ACTC1: variants seen among roughly 807,000 people sequenced by gnomAD.
ACTC1 encodes actin alpha cardiac muscle 1, also known as actin, alpha cardiac muscle 1.
Under a neutral mutation model 31.6 loss-of-function variants are expected in ACTC1, and 10 were observed. That is an observed-to-expected ratio of 0.32 (90% CI 0.19 to 0.54). The LOEUF is 0.54. ACTC1 is among the 20% of genes least tolerant of loss of function. ACTC1 has a pLI of 0.95. For missense variants in ACTC1, 129 were observed against 506.4 expected (o/e 0.25, Z 7.15); for synonymous variants, 196 against 185.0 (o/e 1.06, Z -0.48).
In ACTC1 at chr15:34,793,300, G is replaced by A. The variant is rs764630691; in HGVS notation, c.399C>T (p.Ala133=). 43 of 1,614,038 alleles carry A rather than the reference G, an allele frequency of 2.7e-5. No individual in the cohort carries two copies. In the Middle Eastern group the frequency reaches 8.2e-4, roughly 31 times the overall value. ...GCACTGCCTGGATGGCCACGTACAT[G>A]GCAGGGACATTGAAGGTCTCAAACA... ...QIMFETFNVP[A]MYVAIQAVLS... Residue 133 remains alanine, a synonymous_variant, in exon 3 of 7, where the codon GCC becomes GCT. Coordinates refer to ENST00000290378, the MANE Select transcript of ACTC1 (RefSeq NM_005159.5). The surrounding 1 kb of genome is among the most constrained non-coding windows in gnomAD (Gnocchi z 4.8).
At position 34,795,497 on chromosome 15, in the gene ACTC1, C is replaced by G. The variant is rs1180708651; in HGVS notation, c.-23+9G>C. ...AGGAGTGAACGCGGAGGGCCGGGCG[C>G]TGACTCACCGTCGGCGGGGCGGGTC... On this transcript the variant is annotated intron_variant, in intron 1 of 6. Coordinates refer to ENST00000290378, the MANE Select transcript of ACTC1 (RefSeq NM_005159.5). The G allele has an allele frequency of 6.6e-6, 1 of 152,580 alleles. No homozygotes were observed. The highest frequency in any genetic ancestry group is 2.4e-5 in the African/African-American group (1 of 41,398). The allele number at this position is 152,580 out of a possible 1,614,324, so 9.5% of individuals were successfully genotyped here. A position where few individuals can be genotyped will look rare whatever the true frequency, so the allele number is the denominator to read the frequency against.
rs1891700690 is a variant in ACTC1, at chr15:34,791,310, C to CAA, written c.809-16_809-15insTT. The CAA allele has an allele frequency of 2.8e-6, 1 of 354,298 alleles. No individual in the cohort carries two copies. Among genetic ancestry groups the CAA allele is most frequent in the Admixed American group, 9.6e-5 (1 of 10,458 alleles). The allele number at this position is 354,298 out of a possible 1,614,324, so 21.9% of individuals were successfully genotyped here. ...AGATTCCATACCTGGGAACGAGTCA[C>CAA]ACACACACACACACACACACACACA... is the stretch of plus-strand genomic sequence containing the variant. On this transcript the variant is annotated splice_polypyrimidine_tract_variant and intron_variant, in intron 5 of 6. Transcript: ENST00000290378.
At chr15:34,794,202 G>A (rs1417057380) in intron 2 of ACTC1, among the ~76,000 whole-genome samples, 1 of 152,202 alleles carries the variant, frequency 6.6e-6, no homozygotes, top group Non-Finnish European at 1.5e-5. Context: ...GTCACGCCTG[G>A]CTTCTAAAAA....
chr15:34,792,067 C>A lies in ACTC1; in HGVS notation c.808+23G>T. 1 of 1,613,796 alleles carries A rather than the reference C, an allele frequency of 6.2e-7. No homozygotes were observed. On this transcript the variant is annotated intron_variant, in intron 5 of 6. Transcript: ENST00000290378. The surrounding 1 kb of genome is among the most constrained non-coding windows in gnomAD (Gnocchi z 5.3). ...AAGATTTCCAGGGAAAATCGTGCCTCTGCACCAGACCCTACAACTCACCAA... is the reference window on the plus strand; with the variant it reads ...AAGATTTCCAGGGAAAATCGTGCCTATGCACCAGACCCTACAACTCACCAA...
At chr15:34,791,390 C>T (rs1891705168) in intron 5 of ACTC1, 95 bp from the exon 6 acceptor site, 14 of 1,512,362 alleles carry the variant, frequency 9.3e-6, no homozygotes, top group Non-Finnish European at 1.3e-5. Context: ...GGGAAGAGAA[C>T]AGAACTTCTT....
Position 34,794,160 on chromosome 15 carries a change from A to G in ACTC1, c.129+520T>C, listed in dbSNP as rs545662026. 6.3e-4 allele frequency among the ~76,000 whole-genome samples: 96 copies of G among 152,268 alleles called. 3 individuals are homozygous for G. The South Asian group carries it at 0.019, about 31-fold the overall frequency. On this transcript the variant is annotated intron_variant, in intron 2 of 6. Transcript: ENST00000290378. The stretch of plus-strand genomic sequence containing the variant: ...CATGTCTTTTAACAAACGAGGTGGT[A>G]TGTCACTATCACCATGGCACTTGCT...
Position 34,792,935 on chromosome 15 carries a change from C to A in ACTC1, c.454+310G>T. 1 of 517,358 alleles carries A rather than the reference C, an allele frequency of 1.9e-6. No individual in the cohort carries two copies. The highest frequency in any genetic ancestry group is 3.5e-5 in the East Asian group (1 of 28,654). 32.0% of individuals were successfully genotyped at this position (517,358 alleles called of 1,614,324 possible). A position where few individuals can be genotyped will look rare whatever the true frequency, so the allele number is the denominator to read the frequency against. ...CAGACCCTGTATGGAATGTATTCTC[C>A]TTGGGGATGCTTGCCCAGGTGATGT... On this transcript the variant is annotated intron_variant, in intron 3 of 6. Coordinates refer to ENST00000290378, the MANE Select transcript of ACTC1 (RefSeq NM_005159.5). The surrounding 1 kb of genome is among the most constrained non-coding windows in gnomAD (Gnocchi z 5.3).
At position 34,790,373 on chromosome 15, in the gene ACTC1, G is replaced by A. The variant is rs3729758; in HGVS notation, c.*39C>T. On this transcript the variant is annotated 3_prime_UTR_variant, in exon 7 of 7. Coordinates refer to ENST00000290378, the MANE Select transcript of ACTC1 (RefSeq NM_005159.5). ...GGAAGACTCCAAGAAGCATAATACC[G>A]TCATCCTGACTGGAAGGTAGATGGA... The A allele has an allele frequency of 3.5e-5, 56 of 1,611,292 alleles. No individual in the cohort carries two copies. The African/African-American group carries it at 3.6e-4, about 10-fold the overall frequency.
chr15:34,791,420 C>T (rs900297467), intron 5 of ACTC1, 125 bp from the exon 6 acceptor site: 2 of 1,317,590 alleles, frequency 1.5e-6, no homozygotes, highest in Non-Finnish European at 2.1e-6. Context: ...GAGCTGTCAC[C>T]ATTTGTCTCT....
rs1444934220 is a variant in ACTC1 at position 34,793,204 on chromosome 15, G to A, written c.454+41C>T. 6.3e-7 allele frequency: 1 copy of A among 1,596,468 alleles called. No homozygotes were observed. ...ATTCACAGCAAGGTCGGTGACTTGG[G>A]AATGTGATTCATCAGTAACTGTCCC... On this transcript the variant is annotated intron_variant, in intron 3 of 6. Coordinates refer to ENST00000290378, the MANE Select transcript of ACTC1 (RefSeq NM_005159.5). The surrounding 1 kb of genome is among the most constrained non-coding windows in gnomAD (Gnocchi z 4.8).
chr15:34,791,540 G>T (rs943379390), intron 5 of ACTC1, among the ~76,000 whole-genome samples: 4 of 152,306 alleles, frequency 2.6e-5, no homozygotes, highest in Admixed American at 2.6e-4. Flanking sequence ...CCTGTTTCAA[G>T]TAAACACCTC....
chr15:34,794,665 C>T lies in ACTC1; in HGVS notation c.129+15G>A, dbSNP rs776950932. 13 of 1,609,500 alleles carry T rather than the reference C, an allele frequency of 8.1e-6. No individual in the cohort carries two copies. In the East Asian group the frequency reaches 2.7e-4, roughly 33 times the overall value. Reference sequence around the variant, plus strand: ...GGGGTCCCGAGTGGGACGGGGGGCTCGGCGGGAAGTTTACCTGGTGCCGCG... The same window carrying T: ...GGGGTCCCGAGTGGGACGGGGGGCTTGGCGGGAAGTTTACCTGGTGCCGCG... On this transcript the variant is annotated intron_variant, in intron 2 of 6. Transcript: ENST00000290378.
intron 5 of ACTC1, chr15:34,791,833 A>T: frequency 2.0e-6 from 1 of 502,260 alleles, no homozygotes; most frequent in South Asian, 2.2e-5. Context: ...TTTCCTGCAG[A>T]TACGTGCTAT....
intron 6 of ACTC1, 129 bp downstream of exon 6, chr15:34,790,985 G>T: frequency 2.3e-6 from 2 of 888,674 alleles, no homozygotes; most frequent in Non-Finnish European, 3.4e-6. Context: ...AGAAAAAGTG[G>T]TAGAAAAGCT....
chr15:34,791,736 A>G (rs1454006722), intron 5 of ACTC1: 3 of 373,746 alleles, frequency 8.0e-6, no homozygotes, highest in Non-Finnish European at 1.0e-5. Context: ...TAGGAATGTT[A>G]TTGCATTTAA....
intron 2 of ACTC1, among the ~76,000 whole-genome samples, chr15:34,794,409 A>G (rs1294074923): frequency 6.6e-6 from 1 of 152,194 alleles, no homozygotes; most frequent in Admixed American, 6.5e-5. Context: ...CTAAAGACTA[A>G]AAGTCCAAAA....
rs773231264 is a variant in ACTC1, at chr15:34,790,383, C to G, written c.*29G>C. The G allele has an allele frequency of 1.2e-6, 2 of 1,612,440 alleles. No homozygotes were observed. Among genetic ancestry groups the G allele is most frequent in the East Asian group, 2.2e-5 (1 of 44,876 alleles). On this transcript the variant is annotated 3_prime_UTR_variant, in exon 7 of 7. Transcript: ENST00000290378. ...AAGAAGCATAATACCGTCATCCTGA[C>G]TGGAAGGTAGATGGAGAGAGAAGGC...
Position 34,792,523 on chromosome 15 carries a change from G to A in ACTC1, c.501C>T (p.Ile167=), listed in dbSNP as rs1306504752. The change falls in exon 4 of 7, where the codon ATC becomes ATT. Residue 167 remains isoleucine (I), a synonymous_variant. Coordinates refer to ENST00000290378, the MANE Select transcript of ACTC1 (RefSeq NM_005159.5). This position sits in a 1 kb window ranked among gnomAD's most constrained non-coding sequence, Gnocchi z 5.3. ...SGDGVTHNVP[I]YEGYALPHAI... Reference sequence around the variant, plus strand: ...CATGGGGCAAAGCGTAGCCCTCATAGATGGGGACATTGTGAGTTACACCAT... The same window carrying A: ...CATGGGGCAAAGCGTAGCCCTCATAAATGGGGACATTGTGAGTTACACCAT... The A allele has an allele frequency of 1.2e-6, 2 of 1,614,158 alleles. No homozygotes were observed. The highest frequency in any genetic ancestry group is 1.7e-6 in the Non-Finnish European group (2 of 1,180,034).
At position 34,795,520 on chromosome 15, in the gene ACTC1, G is replaced by A; in HGVS notation, c.-37C>T. 1 of 152,972 alleles carries A rather than the reference G, an allele frequency of 6.5e-6. No individual in the cohort carries two copies. Among genetic ancestry groups the A allele is most frequent in the Non-Finnish European group, 1.5e-5 (1 of 68,634 alleles). The allele number at this position is 152,972 out of a possible 1,614,324, so 9.5% of individuals were successfully genotyped here. On this transcript the variant is annotated 5_prime_UTR_variant, in exon 1 of 7. Transcript: ENST00000290378. Reference sequence around the variant, plus strand: ...CGCTGACTCACCGTCGGCGGGGCGGGTCGGCTCGGCTCCGGCGGCAGCGGG... The same window carrying A: ...CGCTGACTCACCGTCGGCGGGGCGGATCGGCTCGGCTCCGGCGGCAGCGGG...
Sources: gnomAD v4.1 joint callset for allele counts (sites outside exome capture counted in the v4.1 genomes callset) on GRCh38, gnomAD v4.1.1 for gene constraint, Gnocchi (gnomAD v3.1) non-coding constraint, MANE v1.5 for transcripts, NCBI Gene and HGNC (gene_info 2026-07-23, HGNC 2026-07-21) for gene names.